The following CAMTA1 variants were observed in gnomAD, a reference collection of about 807,000 sequenced individuals.
CAMTA1 encodes the protein calmodulin binding transcription activator 1.
A neutral mutation model predicts 170.9 loss-of-function variants in CAMTA1; 27 were observed. The observed-to-expected ratio is 0.16, with a 90% CI of 0.12 to 0.22. CAMTA1 has a LOEUF of 0.22. CAMTA1 is among the 10% of genes least tolerant of loss of function. The pLI is 1.00. For synonymous variants in CAMTA1, 833 were observed against 891.5 expected, an observed-to-expected ratio of 0.93 and a Z score of 1.17; for missense variants, 1,619 against 2,217.2, an observed-to-expected ratio of 0.73 and a Z score of 5.42.
chr1:7,579,547 C>CTT (rs2095237893), intron 6 of CAMTA1, among the ~76,000 whole-genome samples: 2 of 111,454 alleles, frequency 1.8e-5, no homozygotes, highest in East Asian at 2.3e-4. Context: ...CTTTTCTTTT[C>CTT]TTTTCTTTTT....
chr1:6,813,265 C>T (rs1461659141), intron 1 of CAMTA1, among the ~76,000 whole-genome samples: 1 of 152,150 alleles, frequency 6.6e-6, no homozygotes, highest in Non-Finnish European at 1.5e-5. Flanking sequence ...TTGCCCATCT[C>T]ATAAAATCGT....
In CAMTA1 at chr1:7,463,792, A is replaced by G. The variant is rs750170287; in HGVS notation, c.439-4038A>G. Among the ~76,000 whole-genome samples the G allele has an allele frequency of 2.0e-5, 3 of 152,202 alleles. No individual in the cohort carries two copies. Among genetic ancestry groups the G allele is most frequent in the Non-Finnish European group, 4.4e-5 (3 of 68,032 alleles). On this transcript the variant is annotated intron_variant, in intron 5 of 22. Transcript: ENST00000303635. The surrounding 1 kb of genome is among the most constrained non-coding windows in gnomAD (Gnocchi z 4.7). Reference sequence around the variant, plus strand: ...AAGTGATGTGCTTCCTTCTTGGGCCACTAAGCCATCACTGCCCAGCCTTCA... The same window carrying G: ...AAGTGATGTGCTTCCTTCTTGGGCCGCTAAGCCATCACTGCCCAGCCTTCA...
intron 3 of CAMTA1, among the ~76,000 whole-genome samples, chr1:6,963,159 G>C (rs1690807310): frequency 6.7e-6 from 1 of 150,226 alleles, no homozygotes; most frequent in Admixed American, 6.6e-5. Flanking sequence ...CCAGCTCCTT[G>C]GCAGGCTCCA....
In CAMTA1 at chr1:7,642,102, C is replaced by A. The variant is rs2095766432; in HGVS notation, c.664+1549C>A. Among the ~76,000 whole-genome samples the A allele has an allele frequency of 6.6e-6, 1 of 152,104 alleles. No individual in the cohort carries two copies. The highest frequency in any genetic ancestry group is 1.5e-5 in the Non-Finnish European group (1 of 68,008). On this transcript the variant is annotated intron_variant, in intron 7 of 22. Coordinates refer to ENST00000303635, the MANE Select transcript of CAMTA1 (RefSeq NM_015215.4). The surrounding 1 kb of genome is among the most constrained non-coding windows in gnomAD (Gnocchi z 6.3). ...CTCAGCTCTCAGCCTCTCCACAGGCCCTCCCACCACCCAGCTGGGCCTTCA... is the reference window on the plus strand; with the variant it reads ...CTCAGCTCTCAGCCTCTCCACAGGCACTCCCACCACCCAGCTGGGCCTTCA...
At chr1:7,574,034 A>G (rs961083481) in intron 6 of CAMTA1, among the ~76,000 whole-genome samples, 1 of 125,548 alleles carries the variant, frequency 8.0e-6, no homozygotes, top group Admixed American at 7.1e-5. Flanking sequence ...TCAGCCTCCC[A>G]AGGTGTGAAG....
At chr1:6,922,566 G>C (rs1228172264) in intron 3 of CAMTA1, among the ~76,000 whole-genome samples, 2 of 152,306 alleles carry the variant, frequency 1.3e-5, no homozygotes, top group African/African-American at 2.4e-5. Flanking sequence ...GACGGCTGCA[G>C]GACAGCCACA....
chr1:7,507,009 T>C (rs2094126405), intron 6 of CAMTA1, among the ~76,000 whole-genome samples: 1 of 149,422 alleles, frequency 6.7e-6, no homozygotes, highest in Non-Finnish European at 1.5e-5. Flanking sequence ...CACACTAACA[T>C]CTCATGCTCA....
intron 21 of CAMTA1, 67 bp downstream of exon 21, chr1:7,752,600 C>A: frequency 1.6e-6 from 2 of 1,219,522 alleles, no homozygotes; most frequent in South Asian, 1.5e-5. Context: ...CCTTCTTAAC[C>A]CTCACTAACT....
chr1:7,475,748 G>A (rs2093410683), intron 6 of CAMTA1, among the ~76,000 whole-genome samples: 1 of 152,220 alleles, frequency 6.6e-6, no homozygotes, highest in African/African-American at 2.4e-5. Flanking sequence ...AGGAAACAGG[G>A]CAGGGGTGAG....
intron 4 of CAMTA1, among the ~76,000 whole-genome samples, chr1:7,221,729 G>A (rs1158821464): frequency 2.0e-5 from 3 of 152,090 alleles, no homozygotes; most frequent in Admixed American, 2.0e-4. Flanking sequence ...CACATGAACC[G>A]GCTAAGCTTT....
At chr1:6,827,313 T>TG (rs372966649) in intron 3 of CAMTA1, among the ~76,000 whole-genome samples, 72 of 152,286 alleles carry the variant, frequency 4.7e-4, no homozygotes, top group African/African-American at 1.7e-3. Flanking sequence ...CCCTTTCCCT[T>TG]GGGATGGGCT....
chr1:7,207,828 G>A (rs1018567460), intron 4 of CAMTA1, among the ~76,000 whole-genome samples: 1 of 152,106 alleles, frequency 6.6e-6, no homozygotes, highest in Non-Finnish European at 1.5e-5. Flanking sequence ...TTTAGTGTTT[G>A]GGGCCCTGCT....
At chr1:7,027,110 A>G (rs1452623561) in intron 3 of CAMTA1, among the ~76,000 whole-genome samples, 1 of 152,160 alleles carries the variant, frequency 6.6e-6, no homozygotes, top group Non-Finnish European at 1.5e-5. Flanking sequence ...GGGCTCCTCC[A>G]TCCTTCTTAG....
At position 6,975,436 on chromosome 1, in the gene CAMTA1, G is replaced by A. The variant is rs573344479; in HGVS notation, c.235-115868G>A. On this transcript the variant is annotated intron_variant, in intron 3 of 22. Coordinates refer to ENST00000303635, the MANE Select transcript of CAMTA1 (RefSeq NM_015215.4). Reference sequence around the variant, plus strand: ...GGCTCTTGGGGATGCTCCTCTGTGCGCTGTTTGCTGTGGAATTCCCAGGAG... The same window carrying A: ...GGCTCTTGGGGATGCTCCTCTGTGCACTGTTTGCTGTGGAATTCCCAGGAG... Among the ~76,000 whole-genome samples the A allele has an allele frequency of 3.9e-3, 597 of 152,218 alleles. 4 individuals carry two copies. Among genetic ancestry groups the A allele is most frequent in the Non-Finnish European group, 6.6e-3 (449 of 68,004 alleles).
At chr1:7,336,521 C>T (rs1264384322) in intron 5 of CAMTA1, among the ~76,000 whole-genome samples, 1 of 152,222 alleles carries the variant, frequency 6.6e-6, no homozygotes, top group Non-Finnish European at 1.5e-5. Context: ...TCCATGACCA[C>T]CCTGGCCTCT....
intron 5 of CAMTA1, among the ~76,000 whole-genome samples, chr1:7,288,409 G>T (rs548914227): frequency 2.6e-5 from 4 of 152,300 alleles, no homozygotes; most frequent in South Asian, 2.1e-4. Flanking sequence ...AATGTCAGAC[G>T]TTCATCTCTG....
chr1:6,885,985 T>G (rs1002927569), intron 3 of CAMTA1, among the ~76,000 whole-genome samples: 1 of 152,210 alleles, frequency 6.6e-6, no homozygotes, highest in Non-Finnish European at 1.5e-5. Context: ...GCTTCCCATG[T>G]CCTGTGCGGG....
intron 6 of CAMTA1, among the ~76,000 whole-genome samples, chr1:7,587,763 G>C (rs1480215774): frequency 6.6e-6 from 1 of 152,060 alleles, no homozygotes; most frequent in Admixed American, 6.5e-5. Flanking sequence ...CCTGCAACCA[G>C]GGTCTGCAGT....
chr1:7,716,859 C>T (rs1354284007), intron 11 of CAMTA1, among the ~76,000 whole-genome samples: 2 of 152,176 alleles, frequency 1.3e-5, no homozygotes, highest in Non-Finnish European at 2.9e-5. Context: ...AACCAGGATA[C>T]GGTAGCACCC....
Sources: gnomAD v4.1 joint callset for allele counts (sites outside exome capture counted in the v4.1 genomes callset) on GRCh38, gnomAD v4.1.1 for gene constraint, Gnocchi (gnomAD v3.1) non-coding constraint, MANE v1.5 for transcripts, NCBI Gene and HGNC (gene_info 2026-07-23, HGNC 2026-07-21) for gene names.